NF1: variants seen among roughly 807,000 people sequenced by gnomAD.
The protein encoded by NF1 is neurofibromin.
A neutral mutation model predicts 325.7 loss-of-function variants in NF1; 122 were observed. The ratio of observed to expected loss-of-function variants is 0.37; its 90% CI spans 0.32 to 0.44. The LOEUF (loss-of-function observed/expected upper bound fraction) is 0.44, where lower values mean the gene tolerates loss of function less well. NF1 is among the 20% of genes least tolerant of loss of function. The pLI is 1.00. For synonymous variants in NF1, 1,091 were observed against 1,186.0 expected (o/e 0.92, Z 1.65); for missense variants, 2,140 against 3,415.4 (o/e 0.63, Z 9.31).
intron 36 of NF1, among the ~76,000 whole-genome samples, chr17:31,311,618 C>A (rs2068878663): frequency 6.6e-6 from 1 of 152,126 alleles, no homozygotes; most frequent in Non-Finnish European, 1.5e-5. Context: ...TGATAGTGAC[C>A]ATTTACTGAG....
intron 37 of NF1, 69 bp downstream of exon 37, chr17:31,326,321 T>G: frequency 2.3e-5 from 32 of 1,415,750 alleles, no homozygotes; most frequent in Non-Finnish European, 2.7e-5. Flanking sequence ...TATCCTGGCC[T>G]CCCTAGGTGT....
At chr17:31,200,956 T>C (rs2066516912) in intron 9 of NF1, 81 bp from the exon 10 acceptor site, 1 of 1,580,368 alleles carries the variant, frequency 6.3e-7, no homozygotes, top group African/African-American at 1.3e-5. Context: ...GTGTGGGTAA[T>C]GTGTTGATGT....
In NF1 at chr17:31,350,089, C is replaced by CACAT. The variant is rs2070100141; in HGVS notation, c.7322-94_7322-93insACAT. 1.3e-5 allele frequency: 17 copies of CACAT among 1,303,106 alleles called. 1 individual carries two copies. The South Asian group carries it at 2.0e-4, about 15-fold the overall frequency. 80.7% of individuals were successfully genotyped at this position (1,303,106 alleles called of 1,614,324 possible). Reference sequence around the variant, plus strand: ...AAAATATGTGCACATTTAACAGGTACTATGCTCTTTAGGAGACTGTAAGAA... The same window carrying CACAT: ...AAAATATGTGCACATTTAACAGGTACACATTATGCTCTTTAGGAGACTGTAAGAA... On this transcript the variant is annotated intron_variant, in intron 49 of 57. Transcript: ENST00000358273.
chr17:31,177,678 A>T (rs767564088), intron 5 of NF1, among the ~76,000 whole-genome samples: 11 of 152,002 alleles, frequency 7.2e-5, no homozygotes, highest in Non-Finnish European at 1.0e-4. Flanking sequence ...AACATAAATG[A>T]CCTGATGGAG....
intron 1 of NF1, among the ~76,000 whole-genome samples, chr17:31,114,940 G>A (rs1474835441): frequency 6.6e-6 from 1 of 152,168 alleles, no homozygotes; most frequent in Non-Finnish European, 1.5e-5. Context: ...ATTAAGTTTT[G>A]CTCTTATATA....
rs1365554534 is a variant in NF1, at chr17:31,349,379, T to C, written c.7321+128T>C. The C allele has an allele frequency of 3.6e-6, 3 of 840,070 alleles. No individual in the cohort carries two copies. In the African/African-American group the frequency reaches 5.2e-5, roughly 15 times the overall value. 52.0% of individuals were successfully genotyped at this position (840,070 alleles called of 1,614,324 possible). On this transcript the variant is annotated intron_variant, in intron 49 of 57. Coordinates refer to ENST00000358273, the MANE Select transcript of NF1 (RefSeq NM_001042492.3). ...GCAGAAAGTTCACAGTCTAGTCCTTTAGTGGTGGTTACAATTTTGAGAGTT... is the reference window on the plus strand; with the variant it reads ...GCAGAAAGTTCACAGTCTAGTCCTTCAGTGGTGGTTACAATTTTGAGAGTT...
intron 11 of NF1, 81 bp from the exon 12 acceptor site, chr17:31,206,159 T>C: frequency 6.5e-7 from 1 of 1,532,850 alleles, no homozygotes; most frequent in Non-Finnish European, 9.0e-7. Flanking sequence ...AGGATAAAAC[T>C]TAAAACTACA....
intron 5 of NF1, among the ~76,000 whole-genome samples, chr17:31,179,114 A>G (rs2066078557): frequency 6.6e-6 from 1 of 152,200 alleles, no homozygotes; most frequent in Non-Finnish European, 1.5e-5. Flanking sequence ...CATAATTGGA[A>G]TACAACACTC....
At chr17:31,304,400 G>A (rs1431849743) in intron 36 of NF1, 3 of 1,614,022 alleles carry the variant, frequency 1.9e-6, no homozygotes, top group East Asian at 2.2e-5. Context: ...GGTGGCAGGG[G>A]CAAGTTAAGT....
chr17:31,375,865 G>C lies in NF1; in HGVS notation c.*1710G>C, dbSNP rs941441562. On this transcript the variant is annotated 3_prime_UTR_variant, in exon 58 of 58. Coordinates refer to ENST00000358273, the MANE Select transcript of NF1 (RefSeq NM_001042492.3). Reference sequence around the variant, plus strand: ...ATTTAATTTTTTAAATTTGTTTACAGTCCTGGGAAAAGTAAGAATTATTTG... The same window carrying C: ...ATTTAATTTTTTAAATTTGTTTACACTCCTGGGAAAAGTAAGAATTATTTG... The C allele has an allele frequency of 4.3e-5, 10 of 232,430 alleles. No individual in the cohort carries two copies. The highest frequency in any genetic ancestry group is 2.2e-4 in the African/African-American group (10 of 45,256). The allele number at this position is 232,430 out of a possible 1,614,324, so 14.4% of individuals were successfully genotyped here. A position where few individuals can be genotyped will look rare whatever the true frequency, so the allele number is the denominator to read the frequency against.
chr17:31,134,658 G>C (rs931562715), intron 1 of NF1, among the ~76,000 whole-genome samples: 2 of 152,182 alleles, frequency 1.3e-5, no homozygotes, highest in African/African-American at 4.8e-5. Context: ...CTTGACTGGG[G>C]GTAGAGCATT....
chr17:31,223,167 A>C (rs2066956137), intron 15 of NF1, among the ~76,000 whole-genome samples: 1 of 152,160 alleles, frequency 6.6e-6, no homozygotes, highest in Non-Finnish European at 1.5e-5. Flanking sequence ...TCTTATGTCT[A>C]CTACAAGGAT....
intron 36 of NF1, chr17:31,320,401 C>G: frequency 6.2e-7 from 1 of 1,608,434 alleles, no homozygotes; most frequent in Non-Finnish European, 8.5e-7. Context: ...GCCTGAAAGT[C>G]TTTGTTTCCA....
chr17:31,177,372 C>G (rs1166431741), intron 5 of NF1, among the ~76,000 whole-genome samples: 1 of 151,826 alleles, frequency 6.6e-6, no homozygotes, highest in African/African-American at 2.4e-5. Flanking sequence ...GTATCATCAT[C>G]AACATCAAAG....
intron 36 of NF1, among the ~76,000 whole-genome samples, chr17:31,285,278 A>T (rs900403424): frequency 5.5e-4 from 26 of 46,886 alleles, no homozygotes; most frequent in African/African-American, 1.6e-3. Flanking sequence ...GATTCTGTTT[A>T]AAAAAAAAAA....
At position 31,326,226 on chromosome 17, in the gene NF1, C is replaced by T. The variant is rs2151539035; in HGVS notation, c.5242C>T (p.His1748Tyr). The change falls in exon 37 of 58, where the codon CAC becomes TAC. Residue 1748 changes from histidine (H) to tyrosine (Y), a missense_variant. Physicochemically the swap from His to Tyr is moderately conservative, Grantham distance 83 (BLOSUM62 2). Around this residue, in one of 10 missense-constraint regions of NF1, gnomAD observed 147 missense variants for 186.7 expected, o/e 0.79. Coordinates refer to ENST00000358273, the MANE Select transcript of NF1 (RefSeq NM_001042492.3). Reference sequence around the variant, plus strand: ...ATTCCACAATGCTCTCAAGCTAGCTCACAAAGACACCAAAGTTTCTATTAA... The same window carrying T: ...ATTCCACAATGCTCTCAAGCTAGCTTACAAAGACACCAAAGTTTCTATTAA... ...KVFHNALKLA[H>Y]KDTKVSIKVG... 3 of 1,610,972 alleles carry T rather than the reference C, an allele frequency of 1.9e-6. No homozygotes were observed. Among genetic ancestry groups the T allele is most frequent in the Non-Finnish European group, 2.5e-6 (3 of 1,180,000 alleles).
At position 31,377,374 on chromosome 17, in the gene NF1, T is replaced by G. The variant is rs767047578; in HGVS notation, c.*3219T>G. On this transcript the variant is annotated 3_prime_UTR_variant, in exon 58 of 58. Coordinates refer to ENST00000358273, the MANE Select transcript of NF1 (RefSeq NM_001042492.3). ...AGTATTGTTAACTTCTTTTTGCGACTGCGTTACATCATTTAAAGAAAATGC... is the reference window on the plus strand; with the variant it reads ...AGTATTGTTAACTTCTTTTTGCGACGGCGTTACATCATTTAAAGAAAATGC... 3.4e-5 allele frequency: 8 copies of G among 233,392 alleles called. No individual in the cohort carries two copies. Among genetic ancestry groups the G allele is most frequent in the Non-Finnish European group, 6.8e-5 (8 of 117,938 alleles). 14.5% of individuals were successfully genotyped at this position (233,392 alleles called of 1,614,324 possible). A position where few individuals can be genotyped will look rare whatever the true frequency, so the allele number is the denominator to read the frequency against.
chr17:31,132,202 G>A (rs1245634484), intron 1 of NF1, among the ~76,000 whole-genome samples: 1 of 152,112 alleles, frequency 6.6e-6, no homozygotes, highest in Non-Finnish European at 1.5e-5. Context: ...AAAGTGCTAG[G>A]ATTACAGGCG....
At chr17:31,318,795 A>G (rs753767848) in intron 36 of NF1, 2 of 1,613,978 alleles carry the variant, frequency 1.2e-6, no homozygotes, top group Non-Finnish European at 8.5e-7. Flanking sequence ...TGTTTGTAGA[A>G]TTACCTTTAT....
Sources: gnomAD v4.1 joint callset for allele counts (sites outside exome capture counted in the v4.1 genomes callset) on GRCh38, gnomAD v4.1.1 for gene constraint, gnomAD v4.1.1 regional missense constraint, MANE v1.5 for transcripts, NCBI Gene and HGNC (gene_info 2026-07-23, HGNC 2026-07-21) for gene names.